The following ZBTB38 variants were observed in gnomAD, a reference collection of about 807,000 sequenced individuals.
The protein encoded by ZBTB38 is zinc finger and BTB domain-containing protein 38.
ZBTB38 carries 20 observed loss-of-function variants against 76.8 expected under a neutral mutation model. The ratio of observed to expected loss-of-function variants is 0.26; its 90% CI spans 0.18 to 0.38. The LOEUF is 0.38. Ranked by LOEUF, ZBTB38 falls within the 10% of genes least tolerant of loss-of-function variation. ZBTB38 has a pLI of 1.00. For synonymous variants in ZBTB38, 504 were observed against 544.2 expected, an observed-to-expected ratio of 0.93 and a Z score of 1.03; for missense variants, 1,082 against 1,482.3, an observed-to-expected ratio of 0.73 and a Z score of 4.43.
At chr3:141,372,774 T>C (rs939463384) in intron 2 of ZBTB38, among the ~76,000 whole-genome samples, 1 of 152,170 alleles carries the variant, frequency 6.6e-6, no homozygotes, top group African/African-American at 2.4e-5. Flanking sequence ...GGGGATGATG[T>C]GTTGCTGGAA....
chr3:141,382,029 G>T (rs1360735717), intron 3 of ZBTB38, among the ~76,000 whole-genome samples: 2 of 151,970 alleles, frequency 1.3e-5, no homozygotes, highest in Non-Finnish European at 2.9e-5. Context: ...AAAATATGTT[G>T]GAAAAAAATC....
chr3:141,400,498 A>G (rs571891770), intron 4 of ZBTB38, among the ~76,000 whole-genome samples: 132 of 152,228 alleles, frequency 8.7e-4, no homozygotes, highest in Non-Finnish European at 1.4e-3. Context: ...AAAAAAGTGG[A>G]TATGGATTCA....
At chr3:141,439,155 T>C (rs1228133866) in intron 5 of ZBTB38, among the ~76,000 whole-genome samples, 4 of 152,196 alleles carry the variant, frequency 2.6e-5, no homozygotes, top group Non-Finnish European at 5.9e-5. Flanking sequence ...ACAGTTCTCT[T>C]TCTTCCCCTA....
At chr3:141,334,436 C>T (rs1173585008) in intron 1 of ZBTB38, among the ~76,000 whole-genome samples, 4 of 128,764 alleles carry the variant, frequency 3.1e-5, no homozygotes, top group African/African-American at 3.3e-5. Context: ...TTCCTTCCTT[C>T]CTTCCTTCTT....
chr3:141,434,674 A>G (rs2078343785), intron 5 of ZBTB38, among the ~76,000 whole-genome samples: 1 of 152,200 alleles, frequency 6.6e-6, no homozygotes, highest in Admixed American at 6.5e-5. Context: ...AATTCCAAAT[A>G]TGCTAATTTA....
chr3:141,408,513 C>T (rs1246085408), intron 5 of ZBTB38, among the ~76,000 whole-genome samples: 2 of 151,918 alleles, frequency 1.3e-5, no homozygotes, highest in African/African-American at 4.8e-5. Flanking sequence ...CACCACTGCA[C>T]TCCAGCCTGG....
At chr3:141,407,963 G>A (rs1452169543) in intron 5 of ZBTB38, among the ~76,000 whole-genome samples, 7 of 152,208 alleles carry the variant, frequency 4.6e-5, no homozygotes. Context: ...TCTGCTGTGT[G>A]ATCACAGTAC....
At chr3:141,391,177 T>TA (rs1464091952) in intron 4 of ZBTB38, among the ~76,000 whole-genome samples, 1 of 151,652 alleles carries the variant, frequency 6.6e-6, no homozygotes, top group Non-Finnish European at 1.5e-5. Context: ...AAATTAAAAT[T>TA]AAAAAAAATA....
intron 2 of ZBTB38, among the ~76,000 whole-genome samples, chr3:141,371,567 T>C (rs1308164016): frequency 6.6e-6 from 1 of 152,008 alleles, no homozygotes; most frequent in Admixed American, 6.5e-5. Context: ...CTTGAACTCC[T>C]GGGCTCAAGC....
At chr3:141,426,166 G>A (rs1378632225) in intron 5 of ZBTB38, 2 of 1,289,422 alleles carry the variant, frequency 1.6e-6, no homozygotes, top group South Asian at 2.5e-5. Flanking sequence ...AGGAGACATG[G>A]TAAGCTGTTC....
chr3:141,345,880 T>G (rs1184640743), intron 1 of ZBTB38, among the ~76,000 whole-genome samples: 4 of 152,060 alleles, frequency 2.6e-5, no homozygotes, highest in Non-Finnish European at 5.9e-5. Flanking sequence ...GACACCCCCA[T>G]GGATTTCCCA....
intron 3 of ZBTB38, among the ~76,000 whole-genome samples, chr3:141,382,591 T>A (rs965767930): frequency 2.6e-5 from 4 of 152,364 alleles, no homozygotes; most frequent in Admixed American, 2.0e-4. Context: ...TTATTTTCAT[T>A]TATTTTGCCT....
At chr3:141,324,972 A>G (rs773858938) in intron 1 of ZBTB38, among the ~76,000 whole-genome samples, 1 of 152,250 alleles carries the variant, frequency 6.6e-6, no homozygotes, top group Non-Finnish European at 1.5e-5. Flanking sequence ...GTGATCATAT[A>G]TTAAGATAAA....
At chr3:141,405,534 T>A (rs926091305) in intron 5 of ZBTB38, among the ~76,000 whole-genome samples, 1 of 152,234 alleles carries the variant, frequency 6.6e-6, no homozygotes, top group African/African-American at 2.4e-5. Flanking sequence ...CAGAAGACTG[T>A]GGGTATTCAA....
chr3:141,418,869 G>A (rs1347406427), intron 5 of ZBTB38, among the ~76,000 whole-genome samples: 3 of 152,138 alleles, frequency 2.0e-5, no homozygotes, highest in Non-Finnish European at 2.9e-5. Context: ...TCAAGTAAAC[G>A]CAAGATGGTA....
At chr3:141,371,076 CAG>C (rs1490032265) in intron 2 of ZBTB38, among the ~76,000 whole-genome samples, 1 of 46,280 alleles carries the variant, frequency 2.2e-5, no homozygotes, top group African/African-American at 1.4e-4. Flanking sequence ...TTTTTTGAGG[CAG>C]AGTCTCACTC....
At chr3:141,431,341 A>AATATATATATATATAT (rs1553771301) in intron 5 of ZBTB38, among the ~76,000 whole-genome samples, 19 of 103,270 alleles carry the variant, frequency 1.8e-4, no homozygotes, top group African/African-American at 2.4e-4. Context: ...AAAAAAAAAA[A>AATATATATATATATAT]ATATATATAT....
At chr3:141,408,421 C>A (rs1236675844) in intron 5 of ZBTB38, among the ~76,000 whole-genome samples, 1 of 152,186 alleles carries the variant, frequency 6.6e-6, no homozygotes, top group Non-Finnish European at 1.5e-5. Context: ...GTGGCGCACA[C>A]CTGTAGCCCC....
chr3:141,428,214 A>G (rs1441918796), intron 5 of ZBTB38, among the ~76,000 whole-genome samples: 1 of 152,162 alleles, frequency 6.6e-6, no homozygotes, highest in Non-Finnish European at 1.5e-5. Flanking sequence ...AACCTCTTGA[A>G]TCCCATTCTG....
Sources: gnomAD v4.1 joint callset for allele counts (sites outside exome capture counted in the v4.1 genomes callset) on GRCh38, gnomAD v4.1.1 for gene constraint, MANE v1.5 for transcripts, NCBI Gene and HGNC (gene_info 2026-07-23, HGNC 2026-07-21) for gene names.